Variants in KCNK10 observed in about 807,000 individuals in gnomAD.
KCNK10 encodes potassium two pore domain channel subfamily K member 10.
In KCNK10, 25 loss-of-function variants were observed where a neutral mutation model predicts 47.7. The ratio of observed to expected loss-of-function variants is 0.52; its 90% CI spans 0.38 to 0.73. The LOEUF (loss-of-function observed/expected upper bound fraction) is 0.73. Among genes scored for constraint, KCNK10 ranks in the 30% least tolerant of loss-of-function variants. The pLI, the probability that KCNK10 is intolerant of heterozygous loss-of-function variation, is 0.00. For synonymous variants in KCNK10, 303 were observed against 285.6 expected, an observed-to-expected ratio of 1.06 and a Z score of -0.61; for missense variants, 563 against 714.5, an observed-to-expected ratio of 0.79 and a Z score of 2.42.
chr14:88,290,817 T>G (rs1887859402), intron 1 of KCNK10, among the ~76,000 whole-genome samples: 1 of 152,230 alleles, frequency 6.6e-6, no homozygotes, highest in African/African-American at 2.4e-5. Flanking sequence ...TTTCTGCAGG[T>G]CATGCAGTTG....
chr14:88,309,972 T>C (rs1668698655), intron 1 of KCNK10, among the ~76,000 whole-genome samples: 1 of 151,974 alleles, frequency 6.6e-6, no homozygotes, highest in Non-Finnish European at 1.5e-5. Flanking sequence ...CCCTTCCCAC[T>C]TGACACCAGC....
chr14:88,306,839 C>T (rs1240197259), intron 1 of KCNK10, among the ~76,000 whole-genome samples: 2 of 152,210 alleles, frequency 1.3e-5, no homozygotes, highest in Admixed American at 1.3e-4. Context: ...TCTCTCCTAT[C>T]ACTTTCATTT....
At position 88,248,645 on chromosome 14, in the gene KCNK10, T is replaced by C. The variant is rs535747437; in HGVS notation, c.403-7825A>G. ...TCGGGAGGTTCAGGTGGGAGGATCG[T>C]TGGAGCCCAGGAAGCAGAGGCTGCA... is the stretch of plus-strand genomic sequence containing the variant. On this transcript the variant is annotated intron_variant, in intron 2 of 6. Transcript: ENST00000319231. Among the ~76,000 whole-genome samples, 9 of 151,988 alleles carry C rather than the reference T, an allele frequency of 5.9e-5. No individual in the cohort carries two copies. In the East Asian group the frequency reaches 9.7e-4, roughly 16 times the overall value.
chr14:88,195,178 G>A (rs898065217), intron 4 of KCNK10, among the ~76,000 whole-genome samples: 11 of 152,128 alleles, frequency 7.2e-5, no homozygotes, highest in African/African-American at 2.4e-4. Context: ...CCATAGTAGT[G>A]TTTAAGAGCA....
intron 1 of KCNK10, among the ~76,000 whole-genome samples, chr14:88,318,492 C>T (rs1888474090): frequency 6.6e-6 from 1 of 152,172 alleles, no homozygotes; most frequent in Non-Finnish European, 1.5e-5. Flanking sequence ...AATGATGGTG[C>T]TGGGGAACAG....
intron 2 of KCNK10, among the ~76,000 whole-genome samples, chr14:88,259,711 C>G (rs1887056227): frequency 6.6e-6 from 1 of 152,206 alleles, no homozygotes. Flanking sequence ...TCCGCCTTGG[C>G]CCCCCAAGCT....
chr14:88,217,281 A>G (rs1885652315), intron 4 of KCNK10, among the ~76,000 whole-genome samples: 1 of 152,214 alleles, frequency 6.6e-6, no homozygotes, highest in Admixed American at 6.5e-5. Flanking sequence ...CCAGAGACAT[A>G]TGGGCACTGG....
At chr14:88,192,139 C>T (rs3825679) in intron 5 of KCNK10, 85 bp downstream of exon 5, 270,170 of 1,300,958 alleles carry the variant, frequency 0.21, 30,166 homozygotes, top group East Asian at 0.4. Context: ...TCTCCCGCAA[C>T]ATCTTTTATC....
chr14:88,232,761 T>C (rs1299159111), intron 3 of KCNK10, among the ~76,000 whole-genome samples: 1 of 152,218 alleles, frequency 6.6e-6, no homozygotes, highest in East Asian at 1.9e-4. Flanking sequence ...CATTTTACTT[T>C]TGGTTTTGAT....
rs970234806 is a variant in KCNK10, at chr14:88,180,993, A to G, written c.*4542T>C. ...CACTCAGCCACTGTCTTTGCACACA[A>G]TTGCATCCTAACAGTGAGAAAGAAT... On this transcript the variant is annotated 3_prime_UTR_variant, in exon 7 of 7. Coordinates refer to ENST00000319231, the MANE Select transcript of KCNK10 (RefSeq NM_138317.3). 12 of 396,346 alleles carry G rather than the reference A, an allele frequency of 3.0e-5. No homozygotes were observed. The highest frequency in any genetic ancestry group is 4.0e-5 in the Non-Finnish European group (9 of 225,140). The allele number at this position is 396,346 out of a possible 1,614,324, so 24.6% of individuals were successfully genotyped here.
At chr14:88,280,882 A>C (rs1887636991) in intron 1 of KCNK10, among the ~76,000 whole-genome samples, 1 of 152,182 alleles carries the variant, frequency 6.6e-6, no homozygotes, top group Non-Finnish European at 1.5e-5. Context: ...GAGCAGTCAG[A>C]AAAATCTTTT....
intron 2 of KCNK10, among the ~76,000 whole-genome samples, chr14:88,242,487 A>G (rs1213422380): frequency 6.6e-6 from 1 of 152,194 alleles, no homozygotes; most frequent in African/African-American, 2.4e-5. Flanking sequence ...GATACAGGGG[A>G]AAAAAGCACC....
At chr14:88,254,624 GA>G (rs1177786271) in intron 2 of KCNK10, among the ~76,000 whole-genome samples, 4 of 152,144 alleles carry the variant, frequency 2.6e-5, no homozygotes, top group Non-Finnish European at 5.9e-5. Context: ...CACAAAAGAG[GA>G]ATGTTTTATG....
chr14:88,256,694 A>G (rs111668878), intron 2 of KCNK10, among the ~76,000 whole-genome samples: 2,417 of 152,260 alleles, frequency 0.016, 59 homozygotes, highest in African/African-American at 0.055. Flanking sequence ...GAAAATCCAG[A>G]GTTTGAAGCC....
intron 1 of KCNK10, among the ~76,000 whole-genome samples, chr14:88,267,123 A>T (rs1887279671): frequency 6.6e-6 from 1 of 152,214 alleles, no homozygotes; most frequent in Admixed American, 6.5e-5. Context: ...AATGTGAATA[A>T]TAGCAGCCAT....
chr14:88,198,386 C>T (rs1400332741), intron 4 of KCNK10, among the ~76,000 whole-genome samples: 2 of 152,216 alleles, frequency 1.3e-5, no homozygotes, highest in Admixed American at 1.3e-4. Context: ...CTCCCAGCTG[C>T]TCACCTATCC....
chr14:88,183,136 C>T lies in KCNK10; in HGVS notation c.*2399G>A, dbSNP rs936862309. 1 of 152,276 alleles carries T rather than the reference C, an allele frequency of 6.6e-6. No individual in the cohort carries two copies. Among genetic ancestry groups the T allele is most frequent in the Non-Finnish European group, 1.5e-5 (1 of 68,052 alleles). The allele number at this position is 152,276 out of a possible 1,614,324, so 9.4% of individuals were successfully genotyped here. The stretch of plus-strand genomic sequence containing the variant: ...GCAGACTTTGGTCAGACTTTGAATA[C>T]CAGCTCTACCACTTTCTTGCTGTGT... On this transcript the variant is annotated 3_prime_UTR_variant, in exon 7 of 7. Coordinates refer to ENST00000319231, the MANE Select transcript of KCNK10 (RefSeq NM_138317.3).
intron 4 of KCNK10, among the ~76,000 whole-genome samples, chr14:88,194,863 T>C (rs1287608457): frequency 6.6e-6 from 1 of 152,214 alleles, no homozygotes; most frequent in Middle Eastern, 3.4e-3. Context: ...ATCAGGGTAT[T>C]TTAGGGACTT....
intron 1 of KCNK10, among the ~76,000 whole-genome samples, chr14:88,302,202 C>T (rs1409328059): frequency 6.6e-6 from 1 of 152,112 alleles, no homozygotes; most frequent in Non-Finnish European, 1.5e-5. Flanking sequence ...AGATGGGAAA[C>T]TCATTCAATG....
Sources: gnomAD v4.1 joint callset for allele counts (sites outside exome capture counted in the v4.1 genomes callset) on GRCh38, gnomAD v4.1.1 for gene constraint, MANE v1.5 for transcripts, NCBI Gene and HGNC (gene_info 2026-07-23, HGNC 2026-07-21) for gene names.